The following PCDHGA2 variants were observed in gnomAD, a reference collection of about 807,000 sequenced individuals.
PCDHGA2 encodes protocadherin gamma subfamily A, 2, also known as protocadherin gamma-A2.
Under a neutral mutation model 59.2 loss-of-function variants are expected in PCDHGA2, and 40 were observed. That is an observed-to-expected ratio of 0.68 (90% CI 0.52 to 0.88). PCDHGA2 has a LOEUF of 0.88. Ranked by LOEUF, PCDHGA2 falls within the 40% of genes least tolerant of loss-of-function variation. The pLI is 0.00. For synonymous variants in PCDHGA2, 560 were observed against 526.0 expected, an observed-to-expected ratio of 1.06 and a Z score of -0.89; for missense variants, 1,226 against 1,204.0, an observed-to-expected ratio of 1.02 and a Z score of -0.27.
Position 141,489,830 on chromosome 5 carries a change from A to C in PCDHGA2, c.2425-4977A>C. On this transcript the variant is annotated intron_variant, in intron 1 of 3. Transcript: ENST00000394576. The surrounding 1 kb of genome is among the most constrained non-coding windows in gnomAD (Gnocchi z 4.5). ...AAGCCATTCCCAGAGCTGGTGCTAG[A>C]GCAGCAGCTGGATCGTGAAGCCCAG... 1 of 1,614,200 alleles carries C rather than the reference A, an allele frequency of 6.2e-7. No homozygotes were observed. Among genetic ancestry groups the C allele is most frequent in the Non-Finnish European group, 8.5e-7 (1 of 1,180,010 alleles).
chr5:141,425,881 A>T (rs911454948), intron 1 of PCDHGA2, among the ~76,000 whole-genome samples: 1 of 152,230 alleles, frequency 6.6e-6, no homozygotes, highest in Non-Finnish European at 1.5e-5. Flanking sequence ...TCTCTAAGGA[A>T]TCTTCTTTGG....
intron 1 of PCDHGA2, chr5:141,415,029 G>T (rs777967290): frequency 8.1e-6 from 13 of 1,613,554 alleles, no homozygotes; most frequent in Non-Finnish European, 1.0e-5. Context: ...CCAGCGAGCC[G>T]GGACTCTTCG....
rs1010583487 is a variant in PCDHGA2 at position 141,340,475 on chromosome 5, T to C, written c.1504T>C (p.Ser502Pro). Residue 502 changes from serine (S) to proline (P), a missense_variant, in exon 1 of 4, where the codon TCC becomes CCC. By Grantham distance (74) the Ser-to-Pro change is moderately conservative (BLOSUM62 -1). Coordinates refer to ENST00000394576, the MANE Select transcript of PCDHGA2 (RefSeq NM_018915.4). Reference sequence around the variant, plus strand: ...GGACACTGTTCAGGGGGCACCCTTATCCTCTTACATCTCTATCAACTCCGA... The same window carrying C: ...GGACACTGTTCAGGGGGCACCCTTACCCTCTTACATCTCTATCAACTCCGA... Reference protein sequence around the residue: ...AEDTVQGAPLSSYISINSDTG... With the variant: ...AEDTVQGAPLPSYISINSDTG... The C allele has an allele frequency of 6.2e-7, 1 of 1,614,188 alleles. No homozygotes were observed.
In PCDHGA2 at chr5:141,456,878, G is replaced by T. The variant is rs71583646; in HGVS notation, c.2425-37929G>T. On this transcript the variant is annotated intron_variant, in intron 1 of 3. Coordinates refer to ENST00000394576, the MANE Select transcript of PCDHGA2 (RefSeq NM_018915.4). ...ATTGGGAGGCTGAGGCAGGAGAATCGCTTGAACCCGGGAGGCAGAGGTTGC... is the reference window on the plus strand; with the variant it reads ...ATTGGGAGGCTGAGGCAGGAGAATCTCTTGAACCCGGGAGGCAGAGGTTGC... Among the ~76,000 whole-genome samples, 307 of 152,160 alleles carry T rather than the reference G, an allele frequency of 2.0e-3. 1 individual carries two copies. The highest frequency in any genetic ancestry group is 0.01 in the Middle Eastern group (3 of 294).
At chr5:141,350,709 C>T in intron 1 of PCDHGA2, 2 of 1,613,964 alleles carry the variant, frequency 1.2e-6, no homozygotes, top group Non-Finnish European at 1.7e-6. Context: ...GTAAAATTCT[C>T]TCTGGATTCT....
chr5:141,490,652 C>A lies in PCDHGA2; in HGVS notation c.2425-4155C>A. ...ATCCTAGAAAACCGGCCTCCGGGCT[C>A]CCTTCTTTGCACTGTGGCTGCCTCA... On this transcript the variant is annotated intron_variant, in intron 1 of 3. Transcript: ENST00000394576. The surrounding 1 kb of genome is among the most constrained non-coding windows in gnomAD (Gnocchi z 5.4). 6.2e-7 allele frequency: 1 copy of A among 1,614,208 alleles called. No individual in the cohort carries two copies. Among genetic ancestry groups the A allele is most frequent in the Non-Finnish European group, 8.5e-7 (1 of 1,180,026 alleles).
chr5:141,398,048 G>T, intron 1 of PCDHGA2: 2 of 1,506,604 alleles, frequency 1.3e-6, no homozygotes, highest in South Asian at 1.3e-5. Flanking sequence ...CCCGTTCGGA[G>T]ATCCAAAAAT....
At chr5:141,422,714 C>T (rs2096666670) in intron 1 of PCDHGA2, 1 of 1,603,720 alleles carries the variant, frequency 6.2e-7, no homozygotes, top group South Asian at 1.1e-5. Flanking sequence ...ACGGATGACA[C>T]TGTCCAGGGG....
intron 1 of PCDHGA2, chr5:141,343,347 C>T: frequency 6.1e-6 from 6 of 982,074 alleles, no homozygotes; most frequent in Non-Finnish European, 7.3e-6. Flanking sequence ...TGTCTCAGCT[C>T]TTAGAGAGTT....
chr5:141,356,256 CA>C (rs1760169250), intron 1 of PCDHGA2: 1 of 1,570,702 alleles, frequency 6.4e-7, no homozygotes, highest in South Asian at 1.2e-5. Context: ...TTACATCTCT[CA>C]CCAGCTCAGT....
chr5:141,432,859 C>A lies in PCDHGA2; in HGVS notation c.2425-61948C>A. The A allele has an allele frequency of 1.2e-6, 2 of 1,614,190 alleles. No homozygotes were observed. Among genetic ancestry groups the A allele is most frequent in the Non-Finnish European group, 1.7e-6 (2 of 1,180,020 alleles). The stretch of plus-strand genomic sequence containing the variant: ...ACCTGGTGGTAGCGGTGGCCGCGGT[C>A]TCCTGCGTCTTCCTGGCCTTCGTCA... On this transcript the variant is annotated intron_variant, in intron 1 of 3. Transcript: ENST00000394576. This position sits in a 1 kb window ranked among gnomAD's most constrained non-coding sequence, Gnocchi z 6.0.
intron 1 of PCDHGA2, among the ~76,000 whole-genome samples, chr5:141,386,536 GTGT>G (rs1561611759): frequency 6.6e-6 from 1 of 151,656 alleles, no homozygotes; most frequent in African/African-American, 2.4e-5. Flanking sequence ...TTTTAGACTA[GTGT>G]TGTATTTGGT....
Position 141,476,301 on chromosome 5 carries a change from C to T in PCDHGA2, c.2425-18506C>T. On this transcript the variant is annotated intron_variant, in intron 1 of 3. Transcript: ENST00000394576. The surrounding 1 kb of genome is among the most constrained non-coding windows in gnomAD (Gnocchi z 7.6). ...CTTGGTTTGGATCTCGGTAGCCTCT[C>T]AGCCCGCAGGTTCCGGGTGGTGTCT... is the stretch of plus-strand genomic sequence containing the variant. The T allele has an allele frequency of 1.9e-6, 3 of 1,613,778 alleles. No homozygotes were observed. The highest frequency in any genetic ancestry group is 2.5e-6 in the Non-Finnish European group (3 of 1,179,908).
intron 2 of PCDHGA2, among the ~76,000 whole-genome samples, chr5:141,503,334 C>T (rs2099819255): frequency 6.6e-6 from 1 of 152,072 alleles, no homozygotes; most frequent in Admixed American, 6.6e-5. Context: ...CGGTGGCTCA[C>T]GCCTGTAATT....
At chr5:141,421,967 T>C (rs760789458) in intron 1 of PCDHGA2, 2 of 1,611,174 alleles carry the variant, frequency 1.2e-6, no homozygotes, top group Admixed American at 3.4e-5. Flanking sequence ...ACACAGTCCG[T>C]ATATCGCGTG....
chr5:141,399,559 G>C, intron 1 of PCDHGA2: 1 of 1,614,038 alleles, frequency 6.2e-7, no homozygotes, highest in Non-Finnish European at 8.5e-7. Context: ...CCTGGACTTG[G>C]GGTTGAACGG....
chr5:141,426,589 T>G (rs2096945227), intron 1 of PCDHGA2: 1 of 369,180 alleles, frequency 2.7e-6, no homozygotes, highest in South Asian at 2.0e-5. Context: ...ATCCTCTGTG[T>G]CATACCCTTA....
At chr5:141,375,970 G>C in intron 1 of PCDHGA2, 2 of 1,613,334 alleles carry the variant, frequency 1.2e-6, no homozygotes, top group Non-Finnish European at 1.7e-6. Flanking sequence ...TGCGCACGGC[G>C]CGCGCCCTGC....
chr5:141,340,748 G>A lies in PCDHGA2; in HGVS notation c.1777G>A (p.Ala593Thr), dbSNP rs759128480. Residue 593 changes from alanine (A) to threonine (T), a missense_variant, in exon 1 of 4, where the codon GCG becomes ACG. By Grantham distance (58) the Ala-to-Thr change is moderately conservative (BLOSUM62 0). Transcript: ENST00000394576. ...EPGYLVTKVVAVDRDSGQNAW... is the reference protein window; with the variant it reads ...EPGYLVTKVVTVDRDSGQNAW... ...CGGCTACCTGGTGACCAAGGTGGTG[G>A]CGGTGGACAGAGACTCGGGCCAGAA... 5.0e-6 allele frequency: 8 copies of A among 1,614,048 alleles called. No individual in the cohort carries two copies. In the South Asian group the frequency reaches 8.8e-5, roughly 18 times the overall value.
Sources: allele counts gnomAD v4.1 joint callset (sites outside exome capture counted in the v4.1 genomes callset), GRCh38; gene constraint gnomAD v4.1.1; non-coding constraint Gnocchi (gnomAD v3.1); transcripts MANE v1.5; gene names NCBI Gene and HGNC (gene_info 2026-07-23, HGNC 2026-07-21).